The following CDS2 variants were observed in gnomAD, a reference collection of about 807,000 sequenced individuals.
CDS2 encodes the protein CDP-diacylglycerol synthase 2, also known as phosphatidate cytidylyltransferase 2.
CDS2 carries 47 observed loss-of-function variants against 59.0 expected under a neutral mutation model. That is an observed-to-expected ratio of 0.80 (90% confidence interval 0.63 to 1.02). The LOEUF (loss-of-function observed/expected upper bound fraction) is 1.02, where lower values mean the gene tolerates loss of function less well. Among genes scored for constraint, CDS2 ranks in the 50% least tolerant of loss-of-function variants. The pLI is 0.00. For missense variants in CDS2, 356 were observed against 558.9 expected (o/e 0.64, Z 3.66); for synonymous variants, 207 against 206.4 (o/e 1.00, Z -0.02).
In CDS2 at chr20:5,184,169, G is replaced by GAAAC. The variant is rs145956036; in HGVS notation, c.672-676_672-673dup. Reference sequence around the variant, plus strand: ...AGACTCTGTCTCAAAAACAAAAACAGAAACAAACAAACAAACCTGTAATCA... The same window carrying GAAAC: ...AGACTCTGTCTCAAAAACAAAAACAGAAACAAACAAACAAACAAACCTGTAATCA... On this transcript the variant is annotated intron_variant, in intron 7 of 12. Coordinates refer to ENST00000460006, the MANE Select transcript of CDS2 (RefSeq NM_003818.4). The surrounding 1 kb of genome is among the most constrained non-coding windows in gnomAD (Gnocchi z 4.3). Among the ~76,000 whole-genome samples the GAAAC allele has an allele frequency of 6.6e-6, 1 of 151,976 alleles. No homozygotes were observed. The highest frequency in any genetic ancestry group is 1.5e-5 in the Non-Finnish European group (1 of 67,986).
At chr20:5,157,562 T>A (rs906299955) in intron 1 of CDS2, among the ~76,000 whole-genome samples, 1 of 152,192 alleles carries the variant, frequency 6.6e-6, no homozygotes, top group Non-Finnish European at 1.5e-5. Flanking sequence ...GCTCAGTGGC[T>A]TATAAACAAC....
chr20:5,175,683 G>C (rs57694625), intron 3 of CDS2: 2,887 of 171,108 alleles, frequency 0.017, 56 homozygotes, highest in East Asian at 0.081. Context: ...CTACTCAGGG[G>C]GCTGAGGCAG....
intron 1 of CDS2, among the ~76,000 whole-genome samples, chr20:5,164,971 A>T (rs1472724301): frequency 6.6e-6 from 1 of 152,212 alleles, no homozygotes; most frequent in African/African-American, 2.4e-5. Context: ...AAACAGATGC[A>T]TCTACTCCAG....
intron 1 of CDS2, among the ~76,000 whole-genome samples, chr20:5,167,878 T>C (rs2090924395): frequency 6.6e-6 from 1 of 152,228 alleles, no homozygotes; most frequent in Non-Finnish European, 1.5e-5. Context: ...TCAGTGAAAC[T>C]TGTGAATTTG....
chr20:5,176,332 G>A (rs1420836185), intron 3 of CDS2: 3 of 224,392 alleles, frequency 1.3e-5, no homozygotes, highest in African/African-American at 6.8e-5. Context: ...TGAGGCAGGT[G>A]GATTGCTTGA....
At chr20:5,173,716 C>T in intron 2 of CDS2, 57 bp downstream of exon 2, 2 of 1,601,510 alleles carry the variant, frequency 1.2e-6, no homozygotes, top group East Asian at 2.2e-5. Flanking sequence ...TGTCCAAGTG[C>T]CCTGGAAGAG....
At chr20:5,134,995 T>C (rs2090637165) in intron 1 of CDS2, among the ~76,000 whole-genome samples, 1 of 152,228 alleles carries the variant, frequency 6.6e-6, no homozygotes, top group Admixed American at 6.5e-5. Flanking sequence ...CACTTTATTC[T>C]CAACCTTACA....
At chr20:5,146,626 T>C (rs1366776769) in intron 1 of CDS2, among the ~76,000 whole-genome samples, 2 of 152,220 alleles carry the variant, frequency 1.3e-5, no homozygotes, top group Non-Finnish European at 2.9e-5. Context: ...TGCTGTTATT[T>C]ATGATTTTTT....
At chr20:5,127,269 C>T (rs1600456312) in intron 1 of CDS2, 120 bp downstream of exon 1, 1 of 944,522 alleles carries the variant, frequency 1.1e-6, no homozygotes, top group Non-Finnish European at 1.4e-6. Flanking sequence ...ACGGCGGCCC[C>T]GGGCCCGGGT....
chr20:5,140,209 A>G (rs539809810), intron 1 of CDS2, among the ~76,000 whole-genome samples: 1 of 152,172 alleles, frequency 6.6e-6, no homozygotes, highest in Non-Finnish European at 1.5e-5. Context: ...ACCTTATTGA[A>G]CCAAGCAGGC....
chr20:5,165,848 G>A (rs149249422), intron 1 of CDS2, among the ~76,000 whole-genome samples: 13 of 152,308 alleles, frequency 8.5e-5, no homozygotes, highest in African/African-American at 3.1e-4. Context: ...TTTGCAGACT[G>A]TTTAAGTAGG....
intron 4 of CDS2, among the ~76,000 whole-genome samples, chr20:5,177,358 A>C (rs1040075582): frequency 6.6e-6 from 1 of 151,984 alleles, no homozygotes; most frequent in East Asian, 1.9e-4. Flanking sequence ...TTTGAGCCCT[A>C]CTTCATCAGA....
In CDS2 at chr20:5,184,727, C is replaced by T; in HGVS notation, c.672-131C>T. On this transcript the variant is annotated intron_variant, in intron 7 of 12. Transcript: ENST00000460006. This position sits in a 1 kb window ranked among gnomAD's most constrained non-coding sequence, Gnocchi z 4.3. ...TTTTTGGTATTTTTTATGTTTTTAACTTACTCCTTAATGGGTTACCAGAAT... is the reference window on the plus strand; with the variant it reads ...TTTTTGGTATTTTTTATGTTTTTAATTTACTCCTTAATGGGTTACCAGAAT... The T allele has an allele frequency of 4.1e-6, 3 of 734,870 alleles. No homozygotes were observed. Among genetic ancestry groups the T allele is most frequent in the East Asian group, 2.5e-5 (1 of 40,428 alleles). The allele number at this position is 734,870 out of a possible 1,614,324, so 45.5% of individuals were successfully genotyped here. A position where few individuals can be genotyped will look rare whatever the true frequency, so the allele number is the denominator to read the frequency against.
At chr20:5,151,758 T>C (rs1237916358) in intron 1 of CDS2, among the ~76,000 whole-genome samples, 1 of 89,546 alleles carries the variant, frequency 1.1e-5, no homozygotes, top group Non-Finnish European at 1.9e-5. Context: ...GTCTTTTTTT[T>C]TTTTTTTTTT....
At chr20:5,177,294 T>C (rs2091001586) in intron 4 of CDS2, among the ~76,000 whole-genome samples, 1 of 151,958 alleles carries the variant, frequency 6.6e-6, no homozygotes, top group Non-Finnish European at 1.5e-5. Context: ...TGGAACTTGG[T>C]TTCCTTATCT....
At chr20:5,172,107 G>T (rs2090960316) in intron 1 of CDS2, among the ~76,000 whole-genome samples, 1 of 152,214 alleles carries the variant, frequency 6.6e-6, no homozygotes, top group Admixed American at 6.5e-5. Context: ...TACACACCTG[G>T]ACCTAATTCT....
intron 5 of CDS2, among the ~76,000 whole-genome samples, chr20:5,181,324 A>G (rs529444454): frequency 1.2e-4 from 18 of 151,206 alleles, no homozygotes; most frequent in African/African-American, 3.0e-4. Context: ...GCTGCAGTCT[A>G]TTTCCTTTGG....
chr20:5,141,336 G>T (rs771530670), intron 1 of CDS2, among the ~76,000 whole-genome samples: 197 of 152,294 alleles, frequency 1.3e-3, no homozygotes, highest in Non-Finnish European at 6.2e-4. Flanking sequence ...CTGCATGGTT[G>T]TCCATGCAAT....
chr20:5,138,312 T>C (rs982052016), intron 1 of CDS2, among the ~76,000 whole-genome samples: 2 of 151,964 alleles, frequency 1.3e-5, no homozygotes, highest in Non-Finnish European at 2.9e-5. Flanking sequence ...CTTTGGCATA[T>C]AGATATCCAG....
Sources: allele counts gnomAD v4.1 joint callset (sites outside exome capture counted in the v4.1 genomes callset), GRCh38; gene constraint gnomAD v4.1.1; non-coding constraint Gnocchi (gnomAD v3.1); transcripts MANE v1.5; gene names NCBI Gene and HGNC (gene_info 2026-07-23, HGNC 2026-07-21).